ALPK1: variants seen among roughly 807,000 people sequenced by gnomAD.
ALPK1 encodes alpha kinase 1.
ALPK1 carries 110 observed loss-of-function variants against 120.6 expected under a neutral mutation model. That is an observed-to-expected ratio of 0.91 (90% CI 0.78 to 1.07). ALPK1 has a LOEUF of 1.07. ALPK1 is among the 50% of genes least tolerant of loss of function. The probability of loss-of-function intolerance (pLI) is 0.00; values close to 1 mark genes in which losing one functional copy is unlikely to be tolerated. For missense variants in ALPK1, 1,498 were observed against 1,483.9 expected (o/e 1.01, Z -0.16); for synonymous variants, 582 against 560.3 (o/e 1.04, Z -0.55).
intron 2 of ALPK1, among the ~76,000 whole-genome samples, chr4:112,336,022 C>A (rs1439608265): frequency 6.6e-6 from 1 of 152,146 alleles, no homozygotes; most frequent in African/African-American, 2.4e-5. Context: ...AACCAACCAA[C>A]CAATCCATGC....
At chr4:112,302,956 T>C (rs1727857346) in intron 1 of ALPK1, among the ~76,000 whole-genome samples, 1 of 152,232 alleles carries the variant, frequency 6.6e-6, no homozygotes, top group Non-Finnish European at 1.5e-5. Flanking sequence ...ACACAAAGGC[T>C]GCTTTTTAGA....
intron 2 of ALPK1, among the ~76,000 whole-genome samples, chr4:112,321,874 C>A (rs1728881317): frequency 6.6e-6 from 1 of 152,142 alleles, no homozygotes. Context: ...TTTATTTAGA[C>A]CTGTTCTGTT....
intron 14 of ALPK1, 98 bp downstream of exon 14, chr4:112,439,970 T>C: frequency 9.3e-7 from 1 of 1,071,768 alleles, no homozygotes; most frequent in Non-Finnish European, 1.3e-6. Flanking sequence ...GATTGTTCCA[T>C]GTATAGGCTA....
At chr4:112,398,082 G>A (rs774927172) in intron 4 of ALPK1, among the ~76,000 whole-genome samples, 1 of 152,124 alleles carries the variant, frequency 6.6e-6, no homozygotes, top group Non-Finnish European at 1.5e-5. Context: ...TAGGTGACTG[G>A]AGCCCAGATC....
intron 2 of ALPK1, among the ~76,000 whole-genome samples, chr4:112,355,234 ATATTTTGCCTAAGGTTAGATT>A (rs1730547547): frequency 6.6e-6 from 1 of 152,194 alleles, no homozygotes; most frequent in Non-Finnish European, 1.5e-5. Context: ...CAAATTTAAG[ATATTTTGCCTAAGGTTAGATT>A]TATTGGGTTG....
At chr4:112,377,507 G>A (rs1731718949) in intron 2 of ALPK1, among the ~76,000 whole-genome samples, 171 bp from the exon 3 acceptor site, 1 of 152,146 alleles carries the variant, frequency 6.6e-6, no homozygotes, top group Non-Finnish European at 1.5e-5. Context: ...GCCTTCGGAG[G>A]TGCTGCCCAT....
At chr4:112,360,533 A>G (rs1291187338) in intron 2 of ALPK1, among the ~76,000 whole-genome samples, 2 of 152,206 alleles carry the variant, frequency 1.3e-5, no homozygotes, top group Non-Finnish European at 2.9e-5. Flanking sequence ...GAGTGCAGAA[A>G]TCTCTTCAAT....
intron 4 of ALPK1, among the ~76,000 whole-genome samples, chr4:112,390,016 A>G (rs9992485): frequency 0.35 from 52,859 of 152,046 alleles, 9,318 homozygotes; most frequent in East Asian, 0.53. Context: ...GAATAGCCTC[A>G]CACATCTACC....
rs546639644 is a variant in ALPK1 at position 112,391,340 on chromosome 4, T to A, written c.276+8788T>A. ...GAGAGTGTCAGTGTTACAGCCAAAC[T>A]GCAGGCCATAAAAAGTATGGACAAC... is the stretch of plus-strand genomic sequence containing the variant. On this transcript the variant is annotated intron_variant, in intron 4 of 15. Coordinates refer to ENST00000650871, the MANE Select transcript of ALPK1 (RefSeq NM_025144.4). Among the ~76,000 whole-genome samples the A allele has an allele frequency of 3.8e-4, 58 of 152,344 alleles. 1 individual carries two copies. The highest frequency in any genetic ancestry group is 1.3e-3 in the African/African-American group (54 of 41,578).
In ALPK1 at chr4:112,377,694, G is replaced by GGGGCTC; in HGVS notation, c.-83_-78dup. 7.4e-7 allele frequency: 1 copy of GGGGCTC among 1,349,750 alleles called. No individual in the cohort carries two copies. Among genetic ancestry groups the GGGGCTC allele is most frequent in the Non-Finnish European group, 9.8e-7 (1 of 1,021,764 alleles). 83.6% of individuals were successfully genotyped at this position (1,349,750 alleles called of 1,614,324 possible). On this transcript the variant is annotated 5_prime_UTR_variant, in exon 3 of 16. Transcript: ENST00000650871. ...GTTCACCAGGTACTTCGGCCTTCAA[G>GGGGCTC]GGGCTCCTTTATTGAGAATCAATGT...
chr4:112,299,570 T>C (rs979449811), intron 1 of ALPK1, among the ~76,000 whole-genome samples: 1 of 152,148 alleles, frequency 6.6e-6, no homozygotes, highest in African/African-American at 2.4e-5. Flanking sequence ...GGCATGCAAA[T>C]GGCTAAAGTT....
At chr4:112,421,606 T>TC (rs1363408326) in intron 5 of ALPK1, among the ~76,000 whole-genome samples, 1 of 151,822 alleles carries the variant, frequency 6.6e-6, no homozygotes, top group Non-Finnish European at 1.5e-5. Context: ...AATACAGTAG[T>TC]CCCCCCTTAT....
intron 5 of ALPK1, among the ~76,000 whole-genome samples, chr4:112,415,510 G>A (rs566634293): frequency 1.5e-4 from 23 of 152,082 alleles, no homozygotes; most frequent in African/African-American, 2.7e-4. Flanking sequence ...GGTGGCAGGC[G>A]CACGAAATCC....
At chr4:112,414,040 G>A (rs1733616561) in intron 5 of ALPK1, among the ~76,000 whole-genome samples, 1 of 152,208 alleles carries the variant, frequency 6.6e-6, no homozygotes, top group South Asian at 2.1e-4. Flanking sequence ...GGGTGTCTCA[G>A]AGAGAGAGAA....
At chr4:112,318,065 CTAAG>C (rs1173730334) in intron 2 of ALPK1, among the ~76,000 whole-genome samples, 1 of 152,064 alleles carries the variant, frequency 6.6e-6, no homozygotes, top group Non-Finnish European at 1.5e-5. Flanking sequence ...GATATTTATA[CTAAG>C]TGAGTAGAAA....
chr4:112,353,630 G>A (rs932425646), intron 2 of ALPK1, among the ~76,000 whole-genome samples: 2 of 152,116 alleles, frequency 1.3e-5, no homozygotes, highest in Non-Finnish European at 2.9e-5. Context: ...CACTTTGGGA[G>A]GCCGAGGCAG....
At chr4:112,356,094 C>T in intron 2 of ALPK1, 1 of 1,172,614 alleles carries the variant, frequency 8.5e-7, no homozygotes. Context: ...GAATAGCCTG[C>T]CCCTCAGCCA....
chr4:112,369,602 A>C (rs1008591748), intron 2 of ALPK1, among the ~76,000 whole-genome samples: 2 of 152,278 alleles, frequency 1.3e-5, no homozygotes, highest in African/African-American at 4.8e-5. Context: ...GAATCGCTTG[A>C]ACCCAGGAGG....
At chr4:112,335,674 T>C (rs967726385) in intron 2 of ALPK1, among the ~76,000 whole-genome samples, 3 of 152,232 alleles carry the variant, frequency 2.0e-5, no homozygotes, top group African/African-American at 4.8e-5. Flanking sequence ...TAACTCTTTA[T>C]ATTTTTCAAT....
Sources: gnomAD v4.1 joint callset for allele counts (sites outside exome capture counted in the v4.1 genomes callset) on GRCh38, gnomAD v4.1.1 for gene constraint, MANE v1.5 for transcripts, NCBI Gene and HGNC (gene_info 2026-07-23, HGNC 2026-07-21) for gene names.